The following RETSAT variants were observed in gnomAD, a reference collection of about 807,000 sequenced individuals.
The protein encoded by RETSAT is retinol saturase.
A neutral mutation model predicts 61.6 loss-of-function variants in RETSAT; 35 were observed. That is an observed-to-expected ratio of 0.57 (90% CI 0.43 to 0.75). RETSAT has a LOEUF of 0.75. Ranked by LOEUF, RETSAT falls within the 30% of genes least tolerant of loss-of-function variation. RETSAT has a pLI of 0.00. For missense variants in RETSAT, 670 were observed against 759.5 expected, an observed-to-expected ratio of 0.88 and a Z score of 1.38; for synonymous variants, 277 against 310.4, an observed-to-expected ratio of 0.89 and a Z score of 1.13.
rs778205130 is a variant in RETSAT, at chr2:85,351,872, A to G, written c.173-10T>C. 1.9e-6 allele frequency: 3 copies of G among 1,609,388 alleles called. No individual in the cohort carries two copies. In the East Asian group the frequency reaches 6.7e-5, roughly 36 times the overall value. On this transcript the variant is annotated splice_polypyrimidine_tract_variant and intron_variant, in intron 1 of 10. Transcript: ENST00000295802. ...TGGTTGGCTGAAAAAGCTACAGCAGAAGGGCCAAAGGGTGGGTTTCTCAGG... is the reference window on the plus strand; with the variant it reads ...TGGTTGGCTGAAAAAGCTACAGCAGGAGGGCCAAAGGGTGGGTTTCTCAGG...
chr2:85,354,351 T>A lies in RETSAT; in HGVS notation c.157A>T (p.Lys53Ter), dbSNP rs150217356. 1.9e-4 allele frequency: 313 copies of A among 1,614,234 alleles called. 1 individual carries two copies. The African/African-American group carries it at 3.5e-3, about 18-fold the overall frequency. The stretch of plus-strand genomic sequence containing the variant: ...CTCCTGCTACCTTGTTTGAGAACCT[T>A]CTTCCTGGCCTCCTTGTCAGTTACC... ...PLVTDKEARK[K>*]VLKQAFSANQ... is the part of the protein sequence containing the mutation. The change falls in exon 1 of 11, where the codon AAG becomes TAG. Residue 53 changes from lysine (K) to a stop codon, truncating the protein, a stop_gained. Coordinates refer to ENST00000295802, the MANE Select transcript of RETSAT (RefSeq NM_017750.4). LOFTEE classifies it high-confidence loss of function.
At chr2:85,348,084 A>T (rs1198166279) in intron 5 of RETSAT, among the ~76,000 whole-genome samples, 1 of 152,014 alleles carries the variant, frequency 6.6e-6, no homozygotes, top group African/African-American at 2.4e-5. Flanking sequence ...TCTTGCACAG[A>T]CCCTCTATTC....
rs1298943037 is a variant in RETSAT, at chr2:85,343,978, C to G, written c.1533+21G>C. Reference sequence around the variant, plus strand: ...ACAGCACCGTGAGGTTCGTCACCACCCCAAATACTTTACCCCCTACCTTCC... The same window carrying G: ...ACAGCACCGTGAGGTTCGTCACCACGCCAAATACTTTACCCCCTACCTTCC... On this transcript the variant is annotated intron_variant, in intron 9 of 10. Transcript: ENST00000295802. 2.5e-6 allele frequency: 4 copies of G among 1,613,138 alleles called. No homozygotes were observed. The South Asian group carries it at 3.3e-5, about 13-fold the overall frequency.
chr2:85,345,357 G>C (rs920653308), intron 6 of RETSAT, among the ~76,000 whole-genome samples: 2 of 152,130 alleles, frequency 1.3e-5, no homozygotes, highest in African/African-American at 4.8e-5. Context: ...TCCTCAGGGA[G>C]CAGCTCCCGG....
At chr2:85,349,797 T>C (rs934998074) in intron 4 of RETSAT, 3 of 629,678 alleles carry the variant, frequency 4.8e-6, no homozygotes, top group Non-Finnish European at 8.4e-6. Context: ...CAAACTGCCA[T>C]GCTGCCAAGA....
chr2:85,344,485 G>A (rs758069564), intron 7 of RETSAT, 109 bp downstream of exon 7: 16 of 1,550,842 alleles, frequency 1.0e-5, no homozygotes, highest in Non-Finnish European at 1.4e-5. Context: ...CAAACTTCCA[G>A]GAGCAAATTA....
At chr2:85,346,827 G>A (rs1683210686) in intron 5 of RETSAT, among the ~76,000 whole-genome samples, 1 of 152,146 alleles carries the variant, frequency 6.6e-6, no homozygotes, top group South Asian at 2.1e-4. Flanking sequence ...TCCTGGATAA[G>A]AGAACCTCCA....
chr2:85,345,687 A>AGGGC, intron 6 of RETSAT: 1 of 494,716 alleles, frequency 2.0e-6, no homozygotes, highest in South Asian at 1.9e-5. Flanking sequence ...TCAGCCCAGA[A>AGGGC]GGGTGGGAGG....
intron 1 of RETSAT, 120 bp downstream of exon 1, chr2:85,354,216 T>A (rs1683382603): frequency 1.9e-6 from 2 of 1,080,716 alleles, no homozygotes; most frequent in African/African-American, 1.6e-5. Flanking sequence ...GCCCTCCTAG[T>A]ACTTTACATA....
At chr2:85,348,630 CAAA>C (rs11400450) in intron 5 of RETSAT, among the ~76,000 whole-genome samples, 4 of 43,894 alleles carry the variant, frequency 9.1e-5, no homozygotes, top group Admixed American at 2.5e-4. Context: ...GACTCCAACT[CAAA>C]AAAAAAAAAA....
rs1271128880 is a variant in RETSAT at position 85,345,962 on chromosome 2, A to G, written c.1117+13T>C. 1 of 1,614,042 alleles carries G rather than the reference A, an allele frequency of 6.2e-7. No individual in the cohort carries two copies. Among genetic ancestry groups the G allele is most frequent in the South Asian group, 1.1e-5 (1 of 91,084 alleles). On this transcript the variant is annotated intron_variant, in intron 6 of 10. Coordinates refer to ENST00000295802, the MANE Select transcript of RETSAT (RefSeq NM_017750.4). ...GGAACCTGCAAGAGGGGCAGTGCAG[A>G]CCCGCCTTTTACCTGGCAGGCAGCG...
At position 85,343,172 on chromosome 2, in the gene RETSAT, G is replaced by T; in HGVS notation, c.*70C>A. The T allele has an allele frequency of 6.3e-7, 1 of 1,581,958 alleles. No homozygotes were observed. The highest frequency in any genetic ancestry group is 1.1e-5 in the South Asian group (1 of 87,320). On this transcript the variant is annotated 3_prime_UTR_variant, in exon 11 of 11. Coordinates refer to ENST00000295802, the MANE Select transcript of RETSAT (RefSeq NM_017750.4). Reference sequence around the variant, plus strand: ...TACGTGCAAGGAACTAATGCAGAAAGACATTATGGGTAAGTCAAGGGAGAT... The same window carrying T: ...TACGTGCAAGGAACTAATGCAGAAATACATTATGGGTAAGTCAAGGGAGAT...
At position 85,354,377 on chromosome 2, in the gene RETSAT, AG is replaced by A. The variant is rs763438608; in HGVS notation, c.130del (p.Leu44TrpfsTer2). ...SEDVKRPPAPLVTDKEARKKV... is the reference protein window; with the variant it reads ...SEDVKRPPAPXVTDKEARKKV... ...CTTCCTGGCCTCCTTGTCAGTTACC[AG>A]GGGCGCTGGGGGCCGTTTGACATCT... On this transcript the variant is annotated frameshift_variant, in exon 1 of 11. Transcript: ENST00000295802. LOFTEE classifies it high-confidence loss of function. The A allele has an allele frequency of 3.1e-6, 5 of 1,614,202 alleles. No homozygotes were observed. Among genetic ancestry groups the A allele is most frequent in the Non-Finnish European group, 4.2e-6 (5 of 1,180,036 alleles).
At chr2:85,349,176 C>T (rs537040423) in intron 5 of RETSAT, among the ~76,000 whole-genome samples, 1 of 152,238 alleles carries the variant, frequency 6.6e-6, no homozygotes, top group Non-Finnish European at 1.5e-5. Context: ...AGGCTTGGAC[C>T]ACTATGCCCG....
rs371120691 is a variant in RETSAT at position 85,351,139 on chromosome 2, G to A, written c.356-118C>T. 35 of 1,241,492 alleles carry A rather than the reference G, an allele frequency of 2.8e-5. No homozygotes were observed. The African/African-American group carries it at 4.8e-4, about 17-fold the overall frequency. 76.9% of individuals were successfully genotyped at this position (1,241,492 alleles called of 1,614,324 possible). A position where few individuals can be genotyped will look rare whatever the true frequency, so the allele number is the denominator to read the frequency against. ...GCCTGGCCAAGTTCACGCCCAGAGTGAGCTGCTCACTCTGTCTGTAGGGAG... is the reference window on the plus strand; with the variant it reads ...GCCTGGCCAAGTTCACGCCCAGAGTAAGCTGCTCACTCTGTCTGTAGGGAG... On this transcript the variant is annotated intron_variant, in intron 2 of 10. Coordinates refer to ENST00000295802, the MANE Select transcript of RETSAT (RefSeq NM_017750.4).
At chr2:85,348,308 T>C (rs1683235022) in intron 5 of RETSAT, among the ~76,000 whole-genome samples, 1 of 152,060 alleles carries the variant, frequency 6.6e-6, no homozygotes, top group South Asian at 2.1e-4. Context: ...GATTTATAGA[T>C]ACAAAGATAA....
rs1245036975 is a variant in RETSAT, at chr2:85,343,239, G to C, written c.*3C>G. The C allele has an allele frequency of 2.5e-6, 4 of 1,613,812 alleles. No individual in the cohort carries two copies. Among genetic ancestry groups the C allele is most frequent in the Middle Eastern group, 1.6e-4 (1 of 6,084 alleles). Reference sequence around the variant, plus strand: ...AAATTCCTCTGACTCCTCCCTGATGGAACTAATTCTTTTTCTTCTGTGCCC... The same window carrying C: ...AAATTCCTCTGACTCCTCCCTGATGCAACTAATTCTTTTTCTTCTGTGCCC... On this transcript the variant is annotated 3_prime_UTR_variant, in exon 11 of 11. Transcript: ENST00000295802.
chr2:85,354,257 G>A, intron 1 of RETSAT, 79 bp downstream of exon 1: 2 of 1,508,468 alleles, frequency 1.3e-6, no homozygotes, highest in Non-Finnish European at 9.1e-7. Flanking sequence ...TCTGGTAGCG[G>A]CTGCCTTGGC....
At position 85,342,178 on chromosome 2, in the gene RETSAT, G is replaced by C. The variant is rs1257478963; in HGVS notation, c.*1064C>G. 1.0e-5 allele frequency: 2 copies of C among 191,694 alleles called. No individual in the cohort carries two copies. The highest frequency in any genetic ancestry group is 2.1e-5 in the Non-Finnish European group (2 of 93,976). 11.9% of individuals were successfully genotyped at this position (191,694 alleles called of 1,614,324 possible). A position where few individuals can be genotyped will look rare whatever the true frequency, so the allele number is the denominator to read the frequency against. On this transcript the variant is annotated 3_prime_UTR_variant, in exon 11 of 11. Transcript: ENST00000295802. ...GACCTTTCGTATGTCTGATACCAAAGACATAACTGAAAAGTCATTTTTCCA... is the reference window on the plus strand; with the variant it reads ...GACCTTTCGTATGTCTGATACCAAACACATAACTGAAAAGTCATTTTTCCA...
Sources: gnomAD v4.1 joint callset for allele counts (sites outside exome capture counted in the v4.1 genomes callset) on GRCh38, gnomAD v4.1.1 for gene constraint, MANE v1.5 for transcripts, NCBI Gene and HGNC (gene_info 2026-07-23, HGNC 2026-07-21) for gene names.